GSK3B: variants seen among roughly 807,000 people sequenced by gnomAD.
GSK3B encodes the protein glycogen synthase kinase-3 beta.
Under a neutral mutation model 56.4 loss-of-function variants are expected in GSK3B, and 15 were observed. That is an observed-to-expected ratio of 0.27 (90% CI 0.18 to 0.41). GSK3B has a LOEUF of 0.41. Ranked by LOEUF, GSK3B falls within the 10% of genes least tolerant of loss-of-function variation. The pLI, the probability that GSK3B is intolerant of heterozygous loss-of-function variation, is 1.00. For synonymous variants in GSK3B, 181 were observed against 188.9 expected (o/e 0.96, Z 0.34); for missense variants, 300 against 513.4 (o/e 0.58, Z 4.02).
chr3:119,954,227 TAGAATAGA>T, intron 2 of GSK3B, among the ~76,000 whole-genome samples: 1 of 14,816 alleles, frequency 6.7e-5, no homozygotes, highest in Non-Finnish European at 1.6e-4. Context: ...GGAAGGAGAA[TAGAATAGA>T]ATAGAATAGA....
chr3:119,911,001 TCACTG>T (rs2056729942), intron 6 of GSK3B, among the ~76,000 whole-genome samples: 1 of 152,198 alleles, frequency 6.6e-6, no homozygotes, highest in South Asian at 2.1e-4. Context: ...GAGACTTCCT[TCACTG>T]AAGTCTAGAA....
intron 1 of GSK3B, among the ~76,000 whole-genome samples, chr3:120,020,482 C>T (rs890512962): frequency 1.3e-5 from 2 of 152,140 alleles, no homozygotes; most frequent in South Asian, 2.1e-4. Context: ...GTAATTTTTG[C>T]AGTACTTCAA....
chr3:119,837,943 C>CATATATATATATATAT (rs10574860), intron 10 of GSK3B, among the ~76,000 whole-genome samples: 3 of 138,598 alleles, frequency 2.2e-5, no homozygotes, highest in African/African-American at 5.2e-5. Flanking sequence ...TGACCATTCA[C>CATATATATATATATAT]ATATATATAT....
chr3:120,070,176 G>T (rs2058314748), intron 1 of GSK3B, among the ~76,000 whole-genome samples: 1 of 150,618 alleles, frequency 6.6e-6, no homozygotes, highest in African/African-American at 2.4e-5. Flanking sequence ...CTGCACCACT[G>T]CACTCCAGCC....
chr3:119,856,114 A>G (rs1577318475), intron 9 of GSK3B, among the ~76,000 whole-genome samples: 1 of 152,228 alleles, frequency 6.6e-6, no homozygotes, highest in Non-Finnish European at 1.5e-5. Flanking sequence ...TCTGGAGTCA[A>G]TTCATTTTTA....
intron 9 of GSK3B, among the ~76,000 whole-genome samples, chr3:119,858,410 A>C (rs1283846928): frequency 1.3e-5 from 2 of 152,168 alleles, no homozygotes; most frequent in African/African-American, 4.8e-5. Context: ...TTGCTGCTTC[A>C]CCTTGCACTT....
intron 9 of GSK3B, among the ~76,000 whole-genome samples, chr3:119,859,148 AAC>A (rs1454938766): frequency 3.3e-5 from 5 of 151,246 alleles, no homozygotes; most frequent in Admixed American, 6.6e-5. Context: ...AGGCTTAGTC[AAC>A]ACAGAGTTGA....
Position 119,822,502 on chromosome 3 carries a change from G to C in GSK3B, c.*4286C>G, listed in dbSNP as rs1286020204. The C allele has an allele frequency of 4.4e-6, 1 of 226,058 alleles. No individual in the cohort carries two copies. Among genetic ancestry groups the C allele is most frequent in the African/African-American group, 2.2e-5 (1 of 44,894 alleles). The allele number at this position is 226,058 out of a possible 1,614,324, so 14.0% of individuals were successfully genotyped here. Reference sequence around the variant, plus strand: ...CAAGCTAACCCCTTATGTACTGGTTGTCATTTTGCTTTTATTGCAGAGGTG... The same window carrying C: ...CAAGCTAACCCCTTATGTACTGGTTCTCATTTTGCTTTTATTGCAGAGGTG... On this transcript the variant is annotated 3_prime_UTR_variant, in exon 11 of 11. Transcript: ENST00000264235.
chr3:119,963,208 G>A (rs192366265), intron 2 of GSK3B, among the ~76,000 whole-genome samples: 1 of 152,216 alleles, frequency 6.6e-6, no homozygotes, highest in East Asian at 1.9e-4. Flanking sequence ...GATACAAATA[G>A]ATGGAAAAAC....
intron 4 of GSK3B, among the ~76,000 whole-genome samples, chr3:119,917,838 C>T (rs1174120076): frequency 6.6e-6 from 1 of 151,870 alleles, no homozygotes; most frequent in Non-Finnish European, 1.5e-5. Flanking sequence ...TGTTATTTCA[C>T]TTTGTAAAAG....
intron 7 of GSK3B, among the ~76,000 whole-genome samples, chr3:119,889,507 T>C (rs1000366748): frequency 6.6e-6 from 1 of 152,104 alleles, no homozygotes; most frequent in South Asian, 2.1e-4. Context: ...CTGTAATATA[T>C]TGATGCATAT....
rs2108033804 is a variant in GSK3B at position 119,863,435 on chromosome 3, G to A, written c.1080C>T (p.Phe360=). 6.2e-7 allele frequency: 1 copy of A among 1,613,686 alleles called. No individual in the cohort carries two copies. Among genetic ancestry groups the A allele is most frequent in the East Asian group, 2.2e-5 (1 of 44,864 alleles). Residue 360 remains phenylalanine, a synonymous_variant, in exon 9 of 11, where the codon TTC becomes TTT. Transcript: ENST00000264235. Reference sequence around the variant, plus strand: ...TGGAGTTACCTTGAGTGGTGAAGTTGAAGAGTGCAGGTGTGTCTCGCCCAT... The same window carrying A: ...TGGAGTTACCTTGAGTGGTGAAGTTAAAGAGTGCAGGTGTGTCTCGCCCAT... ...LPNGRDTPAL[F]NFTTQELSSN...
chr3:119,949,091 A>G (rs2057129901), intron 2 of GSK3B, among the ~76,000 whole-genome samples: 1 of 152,222 alleles, frequency 6.6e-6, no homozygotes, highest in African/African-American at 2.4e-5. Flanking sequence ...ACATACAGCT[A>G]TTAAGACTGA....
At chr3:119,950,384 G>T (rs1474710582) in intron 2 of GSK3B, among the ~76,000 whole-genome samples, 1 of 152,200 alleles carries the variant, frequency 6.6e-6, no homozygotes, top group Non-Finnish European at 1.5e-5. Flanking sequence ...ACCATGTGAA[G>T]ATCTAGGGAA....
chr3:120,088,171 C>G (rs1357456941), intron 1 of GSK3B, among the ~76,000 whole-genome samples: 1 of 152,164 alleles, frequency 6.6e-6, no homozygotes, highest in African/African-American at 2.4e-5. Context: ...GGATTACAGG[C>G]GTGAGCCACC....
At chr3:120,061,552 A>G (rs1432984469) in intron 1 of GSK3B, among the ~76,000 whole-genome samples, 2 of 152,174 alleles carry the variant, frequency 1.3e-5, no homozygotes, top group Non-Finnish European at 2.9e-5. Context: ...GTCTGGCACA[A>G]AAGAAACACT....
At chr3:119,967,828 TTCTCTTTCTCTCTCTCTC>T (rs1464020199) in intron 2 of GSK3B, among the ~76,000 whole-genome samples, 4 of 96,010 alleles carry the variant, frequency 4.2e-5, no homozygotes, top group South Asian at 3.4e-4. Context: ...CTTTCTCTCT[TTCTCTTTCTCTCTCTCTC>T]TCTCTCTCTC....
chr3:119,826,614 T>G lies in GSK3B; in HGVS notation c.*174A>C. The G allele has an allele frequency of 1.4e-6, 1 of 697,296 alleles. No individual in the cohort carries two copies. Among genetic ancestry groups the G allele is most frequent in the African/African-American group, 1.8e-5 (1 of 57,000 alleles). The allele number at this position is 697,296 out of a possible 1,614,324, so 43.2% of individuals were successfully genotyped here. A position where few individuals can be genotyped will look rare whatever the true frequency, so the allele number is the denominator to read the frequency against. Reference sequence around the variant, plus strand: ...AGAATACAATGAAATTGGTTTGTATTTATAGATATTTTACAAGGTTAAATA... The same window carrying G: ...AGAATACAATGAAATTGGTTTGTATGTATAGATATTTTACAAGGTTAAATA... On this transcript the variant is annotated 3_prime_UTR_variant, in exon 11 of 11. Transcript: ENST00000264235.
chr3:119,830,479 T>G (rs1355630006), intron 10 of GSK3B, among the ~76,000 whole-genome samples: 1 of 152,218 alleles, frequency 6.6e-6, no homozygotes, highest in East Asian at 1.9e-4. Context: ...TTCTCAAACA[T>G]TTAAATAGTG....
Sources: gnomAD v4.1 joint callset for allele counts (sites outside exome capture counted in the v4.1 genomes callset) on GRCh38, gnomAD v4.1.1 for gene constraint, MANE v1.5 for transcripts, NCBI Gene and HGNC (gene_info 2026-07-23, HGNC 2026-07-21) for gene names.